WDPCP: variants seen among roughly 807,000 people sequenced by gnomAD.
WDPCP encodes the protein WD repeat-containing and planar cell polarity effector protein fritz homolog.
In WDPCP, 71 loss-of-function variants were observed where a neutral mutation model predicts 93.1. The observed-to-expected ratio is 0.76, with a 90% confidence interval of 0.63 to 0.93. The LOEUF (loss-of-function observed/expected upper bound fraction) is 0.93, where lower values mean the gene tolerates loss of function less well. Among genes scored for constraint, WDPCP ranks in the 40% least tolerant of loss-of-function variants. The pLI is 0.00. For missense variants in WDPCP, 844 were observed against 887.4 expected (o/e 0.95, Z 0.62); for synonymous variants, 315 against 315.0 (o/e 1.00, Z 0.00).
intron 12 of WDPCP, among the ~76,000 whole-genome samples, chr2:63,320,585 G>T (rs1036831302): frequency 6.6e-6 from 1 of 152,126 alleles, no homozygotes; most frequent in East Asian, 1.9e-4. Flanking sequence ...CATTTTCCAT[G>T]AAGTGGACTG....
intron 14 of WDPCP, among the ~76,000 whole-genome samples, chr2:63,232,072 C>A (rs869038329): frequency 1.3e-5 from 2 of 152,252 alleles, no homozygotes; most frequent in South Asian, 2.1e-4. Context: ...CAAAAACAAG[C>A]AATGGGGAAA....
At chr2:63,478,838 A>G (rs1048196809) in intron 6 of WDPCP, among the ~76,000 whole-genome samples, 1 of 152,048 alleles carries the variant, frequency 6.6e-6, no homozygotes, top group Non-Finnish European at 1.5e-5. Context: ...GAGCAGAACT[A>G]CATGAAACTG....
chr2:63,437,760 C>A, intron 7 of WDPCP: 1 of 1,258,194 alleles, frequency 7.9e-7, no homozygotes, highest in South Asian at 1.6e-5. Context: ...GATTTTTTTT[C>A]CTGTGACTAT....
intron 13 of WDPCP, among the ~76,000 whole-genome samples, chr2:63,303,478 T>C (rs1341172467): frequency 6.6e-6 from 1 of 152,166 alleles, no homozygotes; most frequent in Non-Finnish European, 1.5e-5. Context: ...GACTTTGCAT[T>C]GACCACCCAT....
chr2:63,575,546 T>TAGTATATAC (rs1280278397), intron 1 of WDPCP, among the ~76,000 whole-genome samples: 1 of 20,548 alleles, frequency 4.9e-5, no homozygotes, highest in East Asian at 1.7e-3. Context: ...ACTGTATATA[T>TAGTATATAC]AGTATATACA....
intron 12 of WDPCP, among the ~76,000 whole-genome samples, chr2:63,318,577 A>C (rs1384938357): frequency 6.6e-6 from 1 of 152,198 alleles, no homozygotes; most frequent in African/African-American, 2.4e-5. Context: ...ATGGAATACT[A>C]TGCAGTCATA....
At chr2:63,720,439 AAAC>A (rs1020340126) in intron 2 of WDPCP, among the ~76,000 whole-genome samples, 4 of 151,852 alleles carry the variant, frequency 2.6e-5, no homozygotes, top group African/African-American at 7.3e-5. Flanking sequence ...AAACAAAACA[AAAC>A]AACAACAACA....
At chr2:63,717,321 C>T in intron 2 of WDPCP, 1 of 519,996 alleles carries the variant, frequency 1.9e-6, no homozygotes, top group Non-Finnish European at 3.8e-6. Context: ...TCACTGTGAA[C>T]ATGAAAAATG....
At chr2:63,401,589 C>T (rs114537310) in intron 10 of WDPCP, among the ~76,000 whole-genome samples, 4,117 of 152,204 alleles carry the variant, frequency 0.027, 79 homozygotes, top group South Asian at 0.067. Flanking sequence ...CTCAAGACCA[C>T]TTGAGGCTGG....
At chr2:63,135,520 C>T (rs1670556534) in intron 17 of WDPCP, among the ~76,000 whole-genome samples, 1 of 151,866 alleles carries the variant, frequency 6.6e-6, no homozygotes, top group African/African-American at 2.4e-5. Context: ...TTAGGAGAGA[C>T]AGCGTTTCAC....
intron 2 of WDPCP, among the ~76,000 whole-genome samples, chr2:63,712,102 C>T (rs950856618): frequency 1.3e-5 from 2 of 152,156 alleles, no homozygotes; most frequent in Non-Finnish European, 2.9e-5. Context: ...CTTAGAATCT[C>T]ATTAGGGGCC....
rs1036237241 is a variant in WDPCP, at chr2:63,211,673, G to A, written c.1916-36841C>T. Among the ~76,000 whole-genome samples the A allele has an allele frequency of 4.6e-5, 7 of 152,320 alleles. No homozygotes were observed. The East Asian group carries it at 1.4e-3, about 29-fold the overall frequency. On this transcript the variant is annotated intron_variant, in intron 14 of 17. Coordinates refer to ENST00000272321, the MANE Select transcript of WDPCP (RefSeq NM_015910.7). ...AATCGGTAATAACAAACTTCTCTGA[G>A]CTAAAGGAGGAAGTTTGAACCCATC... is the stretch of plus-strand genomic sequence containing the variant.
intron 1 of WDPCP, among the ~76,000 whole-genome samples, chr2:63,567,290 C>G (rs575963491): frequency 1.9e-4 from 29 of 152,262 alleles, no homozygotes; most frequent in Non-Finnish European, 7.4e-5. Context: ...CTACCAGCCC[C>G]CATTCCAAAA....
At chr2:63,615,753 C>A (rs1241338790) in intron 3 of WDPCP, among the ~76,000 whole-genome samples, 1 of 152,166 alleles carries the variant, frequency 6.6e-6, no homozygotes, top group African/African-American at 2.4e-5. Context: ...GGCAATGAGG[C>A]CATTTCAAGA....
In WDPCP at chr2:63,366,547, G is replaced by A. The variant is rs75626198; in HGVS notation, c.1748+11839C>T. Reference sequence around the variant, plus strand: ...TTATCTATCTATCTTCCAGACTTTCGCTTAAATTCTTGTTACATGGATTAT... The same window carrying A: ...TTATCTATCTATCTTCCAGACTTTCACTTAAATTCTTGTTACATGGATTAT... On this transcript the variant is annotated intron_variant, in intron 12 of 17. Coordinates refer to ENST00000272321, the MANE Select transcript of WDPCP (RefSeq NM_015910.7). Among the ~76,000 whole-genome samples the A allele has an allele frequency of 1.3e-3, 205 of 151,934 alleles. 3 individuals are homozygous for A. In the East Asian group the frequency reaches 0.036, roughly 27 times the overall value.
chr2:63,767,498 C>T (rs1278354815), intron 2 of WDPCP, among the ~76,000 whole-genome samples: 7 of 152,098 alleles, frequency 4.6e-5, no homozygotes, highest in African/African-American at 1.4e-4. Flanking sequence ...ATAACCTCTC[C>T]AAAACTTAGT....
chr2:63,762,201 G>C (rs1446455797), intron 2 of WDPCP, among the ~76,000 whole-genome samples: 1 of 152,178 alleles, frequency 6.6e-6, no homozygotes, highest in East Asian at 1.9e-4. Context: ...AAATGTGGGA[G>C]TCTGAATCAC....
intron 1 of WDPCP, among the ~76,000 whole-genome samples, chr2:63,514,823 G>C (rs1200647530): frequency 1.3e-5 from 2 of 152,128 alleles, no homozygotes; most frequent in African/African-American, 4.8e-5. Flanking sequence ...AAGACAAAGG[G>C]AGGGTTTATA....
chr2:63,838,194 C>T, the WDPCP span, among the ~76,000 whole-genome samples: 3 of 151,958 alleles, frequency 2.0e-5, no homozygotes, highest in Non-Finnish European at 2.9e-5. Flanking sequence ...ATGGAATGTT[C>T]GCTATGTACC....
Sources: gnomAD v4.1 joint callset for allele counts (sites outside exome capture counted in the v4.1 genomes callset) on GRCh38, gnomAD v4.1.1 for gene constraint, MANE v1.5 for transcripts, NCBI Gene and HGNC (gene_info 2026-07-23, HGNC 2026-07-21) for gene names.